The following EMILIN2 variants were observed in gnomAD, a reference collection of about 807,000 sequenced individuals.
EMILIN2 encodes elastin microfibril interfacer 2, also known as EMILIN-2.
In EMILIN2, 71 loss-of-function variants were observed where a neutral mutation model predicts 87.1. The observed-to-expected ratio is 0.82, with a 90% CI of 0.67 to 0.99. The LOEUF (loss-of-function observed/expected upper bound fraction) is 0.99. Among genes scored for constraint, EMILIN2 ranks in the 50% least tolerant of loss-of-function variants. The pLI is 0.00. For missense variants in EMILIN2, 1,407 were observed against 1,371.8 expected, an observed-to-expected ratio of 1.03 and a Z score of -0.40; for synonymous variants, 581 against 563.4, an observed-to-expected ratio of 1.03 and a Z score of -0.44.
At chr18:2,855,524 T>C (rs1031635850) in intron 2 of EMILIN2, among the ~76,000 whole-genome samples, 10 of 152,224 alleles carry the variant, frequency 6.6e-5, no homozygotes, top group Admixed American at 3.3e-4. Context: ...GGTCTTCCTC[T>C]GTTGATGTGT....
chr18:2,889,121 T>C (rs1414640115), intron 3 of EMILIN2, among the ~76,000 whole-genome samples: 2 of 90,604 alleles, frequency 2.2e-5, no homozygotes, highest in Admixed American at 2.0e-4. Context: ...TTCCTTTTCA[T>C]TTCTTTCTTT....
At chr18:2,901,667 T>C (rs1007599949) in intron 4 of EMILIN2, among the ~76,000 whole-genome samples, 8 of 152,244 alleles carry the variant, frequency 5.3e-5, no homozygotes, top group Admixed American at 4.6e-4. Context: ...TTGGCTCTTA[T>C]GAAGAATTCA....
rs764459073 is a variant in EMILIN2 at position 2,892,202 on chromosome 18, C to T, written c.2075C>T (p.Thr692Met). The T allele has an allele frequency of 8.8e-5, 142 of 1,607,250 alleles. No individual in the cohort carries two copies. The highest frequency in any genetic ancestry group is 1.5e-4 in the African/African-American group (11 of 74,882). Residue 692 changes from threonine to methionine, a missense_variant, in exon 4 of 8, where the codon ACG (threonine) becomes ATG (methionine). Thr to Met is a moderately conservative substitution (Grantham distance 81, BLOSUM62 -1). Coordinates refer to ENST00000254528, the MANE Select transcript of EMILIN2 (RefSeq NM_032048.3). ...GAGCTGGATGCTTGTAAGGAATGCA[C>T]GCAGGGGGTCCAGAGGGAGGTCTCC... ...ISELDACKEC[T>M]QGVQREVSMV...
chr18:2,891,859 G>T lies in EMILIN2; in HGVS notation c.1732G>T (p.Asp578Tyr), dbSNP rs746586975. The change falls in exon 4 of 8, where the codon GAC (aspartate) becomes TAC (tyrosine). Residue 578 changes from aspartate (D) to tyrosine (Y), a missense_variant. Asp to Tyr is a radical substitution (Grantham distance 160). Transcript: ENST00000254528. The surrounding 1 kb of genome is among the most constrained non-coding windows in gnomAD (Gnocchi z 4.6). ...AAACAGGGAAGACCGCGCAGTACGC[G>T]ACAGCCTGCACCTTTTGAAATCTCT... is the stretch of plus-strand genomic sequence containing the variant. ...LPNREDRAVR[D>Y]SLHLLKSLND... The T allele has an allele frequency of 4.3e-6, 7 of 1,614,116 alleles. No individual in the cohort carries two copies. Among genetic ancestry groups the T allele is most frequent in the African/African-American group, 1.3e-5 (1 of 74,942 alleles).
At chr18:2,878,176 C>G (rs2076759205) in intron 2 of EMILIN2, among the ~76,000 whole-genome samples, 1 of 152,132 alleles carries the variant, frequency 6.6e-6, no homozygotes, top group South Asian at 2.1e-4. Context: ...CAATTGTATG[C>G]TTAAAAGTGG....
chr18:2,860,723 C>T (rs1008175331), intron 2 of EMILIN2, among the ~76,000 whole-genome samples: 2 of 152,188 alleles, frequency 1.3e-5, no homozygotes, highest in East Asian at 1.9e-4. Flanking sequence ...TTTATAGCAG[C>T]ATGATTTATA....
intron 2 of EMILIN2, among the ~76,000 whole-genome samples, chr18:2,875,672 T>G (rs10629670): frequency 1.9e-5 from 1 of 51,706 alleles, no homozygotes; most frequent in East Asian, 5.6e-3. Flanking sequence ...ATGCATGAGC[T>G]ATATTTCAAG....
intron 2 of EMILIN2, among the ~76,000 whole-genome samples, chr18:2,884,429 A>G (rs1340461531): frequency 1.3e-5 from 2 of 152,022 alleles, no homozygotes; most frequent in East Asian, 1.9e-4. Context: ...TATTTTTTGT[A>G]GAGACTAGAT....
intron 4 of EMILIN2, among the ~76,000 whole-genome samples, chr18:2,902,843 G>C (rs987352171): frequency 2.0e-5 from 3 of 152,082 alleles, no homozygotes; most frequent in Non-Finnish European, 4.4e-5. Context: ...AGCAGGAGGG[G>C]GAGACCAAAG....
At chr18:2,912,938 C>T in intron 7 of EMILIN2, 129 bp from the exon 8 acceptor site, 4 of 967,070 alleles carry the variant, frequency 4.1e-6, no homozygotes, top group Admixed American at 2.5e-5. Context: ...AGGCAGGCAG[C>T]CAGCTACCAT....
Position 2,847,222 on chromosome 18 carries a change from C to T in EMILIN2, c.34C>T (p.Pro12Ser), listed in dbSNP as rs751360407. The T allele has an allele frequency of 1.6e-6, 2 of 1,252,238 alleles. No homozygotes were observed. The allele number at this position is 1,252,238 out of a possible 1,614,324, so 77.6% of individuals were successfully genotyped here. Residue 12 changes from proline to serine, a missense_variant, in exon 1 of 8, where the codon CCC becomes TCC. Transcript: ENST00000254528. This position sits in a 1 kb window ranked among gnomAD's most constrained non-coding sequence, Gnocchi z 4.5. ...GCCCAGACGGCCCTGGCCCCGCGTG[C>T]CCTGGCGCTGGGCGCTGGCGCTGCT... Reference protein sequence around the residue: ...WQPRRPWPRVPWRWALALLAL... With the variant: ...WQPRRPWPRVSWRWALALLAL...
upstream of EMILIN2, chr18:2,846,898 G>T: frequency 1.0e-6 from 1 of 989,060 alleles, no homozygotes; most frequent in Non-Finnish European, 1.2e-6. The surrounding 1 kb of genome is among the most constrained non-coding windows in gnomAD (Gnocchi z 5.3). Context: ...AGACTTGGTG[G>T]GGGGAGAGTC....
rs765701060 is a variant in EMILIN2, at chr18:2,894,256, C to T, written c.2359+1770C>T. Among the ~76,000 whole-genome samples the T allele has an allele frequency of 3.3e-5, 5 of 152,018 alleles. No individual in the cohort carries two copies. The highest frequency in any genetic ancestry group is 7.2e-5 in the African/African-American group (3 of 41,394). Reference sequence around the variant, plus strand: ...GCAGCTCAGGAGGGTGGAGAGGGTCCGAGGTAGGTGGGAAAATGCCCTGGA... The same window carrying T: ...GCAGCTCAGGAGGGTGGAGAGGGTCTGAGGTAGGTGGGAAAATGCCCTGGA... On this transcript the variant is annotated intron_variant, in intron 4 of 7. Coordinates refer to ENST00000254528, the MANE Select transcript of EMILIN2 (RefSeq NM_032048.3). The surrounding 1 kb of genome is among the most constrained non-coding windows in gnomAD (Gnocchi z 5.0).
chr18:2,858,575 G>GTA (rs1233576785), intron 2 of EMILIN2, among the ~76,000 whole-genome samples: 13 of 65,480 alleles, frequency 2.0e-4, no homozygotes, highest in South Asian at 1.1e-3. Flanking sequence ...ATATATGTGT[G>GTA]TGTGTGTGTA....
At position 2,914,107 on chromosome 18, in the gene EMILIN2, A is replaced by G. The variant is rs1235214576; in HGVS notation, c.*703A>G. ...TGTTAATTTAAGTGTGGTCCCTTAC[A>G]GATCGGGAGTTGTTGCTAAAAAGCA... On this transcript the variant is annotated 3_prime_UTR_variant, in exon 8 of 8. Coordinates refer to ENST00000254528, the MANE Select transcript of EMILIN2 (RefSeq NM_032048.3). The G allele has an allele frequency of 1.3e-5, 2 of 152,686 alleles. No homozygotes were observed. Among genetic ancestry groups the G allele is most frequent in the Admixed American group, 1.3e-4 (2 of 15,288 alleles). The allele number at this position is 152,686 out of a possible 1,614,324, so 9.5% of individuals were successfully genotyped here. A position where few individuals can be genotyped will look rare whatever the true frequency, so the allele number is the denominator to read the frequency against.
chr18:2,860,746 C>T (rs62074987), intron 2 of EMILIN2, among the ~76,000 whole-genome samples: 1 of 152,170 alleles, frequency 6.6e-6, no homozygotes, highest in African/African-American at 2.4e-5. Context: ...CCTCTGGGTA[C>T]ATACCCAGTA....
intron 2 of EMILIN2, among the ~76,000 whole-genome samples, chr18:2,867,806 T>G (rs1336126261): frequency 6.6e-6 from 1 of 152,202 alleles, no homozygotes; most frequent in Non-Finnish European, 1.5e-5. Context: ...CACCTTTCCC[T>G]CCTCTCTATT....
Position 2,891,099 on chromosome 18 carries a change from C to G in EMILIN2, c.972C>G (p.Ala324=). 6.2e-7 allele frequency: 1 copy of G among 1,614,124 alleles called. No homozygotes were observed. Among genetic ancestry groups the G allele is most frequent in the Non-Finnish European group, 8.5e-7 (1 of 1,180,036 alleles). The change falls in exon 4 of 8, where the codon GCC becomes GCG. Residue 324 remains alanine (A), a synonymous_variant. Coordinates refer to ENST00000254528, the MANE Select transcript of EMILIN2 (RefSeq NM_032048.3). The surrounding 1 kb of genome is among the most constrained non-coding windows in gnomAD (Gnocchi z 4.6). ...YQAYVDSKID[A]LREELMEGMD... ...CCTATGTGGACAGTAAGATCGACGC[C>G]CTGAGAGAGGAGCTCATGGAGGGCA...
At chr18:2,867,989 C>T (rs1412284183) in intron 2 of EMILIN2, among the ~76,000 whole-genome samples, 74 of 151,704 alleles carry the variant, frequency 4.9e-4, no homozygotes, top group Non-Finnish European at 1.5e-4. Flanking sequence ...GCTGACCCCC[C>T]CACCTCCCTC....
Sources: gnomAD v4.1 joint callset for allele counts (sites outside exome capture counted in the v4.1 genomes callset) on GRCh38, gnomAD v4.1.1 for gene constraint, Gnocchi (gnomAD v3.1) non-coding constraint, MANE v1.5 for transcripts, NCBI Gene and HGNC (gene_info 2026-07-23, HGNC 2026-07-21) for gene names.